The following PLXNA4 variants were observed in gnomAD, a reference collection of about 807,000 sequenced individuals.
PLXNA4 encodes plexin A4.
A neutral mutation model predicts 191.8 loss-of-function variants in PLXNA4; 44 were observed. The ratio of observed to expected loss-of-function variants is 0.23; its 90% CI spans 0.18 to 0.29. The LOEUF is 0.29. Among genes scored for constraint, PLXNA4 ranks in the 10% least tolerant of loss-of-function variants. PLXNA4 has a pLI of 1.00. For synonymous variants in PLXNA4, 1,082 were observed against 1,009.5 expected, an observed-to-expected ratio of 1.07 and a Z score of -1.36; for missense variants, 1,800 against 2,488.8, an observed-to-expected ratio of 0.72 and a Z score of 5.89.
chr7:132,355,189 T>C (rs1386938000), intron 3 of PLXNA4, among the ~76,000 whole-genome samples: 1 of 152,146 alleles, frequency 6.6e-6, no homozygotes, highest in Non-Finnish European at 1.5e-5. Flanking sequence ...CTTTTCAGGA[T>C]GTCAGTGGTG....
intron 2 of PLXNA4, among the ~76,000 whole-genome samples, chr7:132,637,340 T>C (rs1251243784): frequency 6.6e-6 from 1 of 152,216 alleles, no homozygotes; most frequent in Non-Finnish European, 1.5e-5. Context: ...AAGTGTGGTC[T>C]CTGAATCTGC....
At chr7:132,384,855 G>T in intron 3 of PLXNA4, 1 of 1,170,522 alleles carries the variant, frequency 8.5e-7, no homozygotes, top group Non-Finnish European at 1.1e-6. Flanking sequence ...CATATATCAG[G>T]CCCAAGAGAT....
intron 4 of PLXNA4, among the ~76,000 whole-genome samples, chr7:132,241,821 TC>T (rs5887558): frequency 0.37 from 56,312 of 152,052 alleles, 10,811 homozygotes; most frequent in East Asian, 0.57. Context: ...CTATTTCTCC[TC>T]CTACCCACAC....
intron 3 of PLXNA4, among the ~76,000 whole-genome samples, chr7:132,352,924 A>C (rs12539196): frequency 0.15 from 23,002 of 152,162 alleles, 2,005 homozygotes; most frequent in Admixed American, 0.26. Flanking sequence ...GGGAGGGGAA[A>C]TATCTTGGTA....
chr7:132,262,096 C>T (rs1010017855), intron 4 of PLXNA4, among the ~76,000 whole-genome samples: 8 of 152,208 alleles, frequency 5.3e-5, no homozygotes, highest in Non-Finnish European at 8.8e-5. Context: ...TTCCTTTCCC[C>T]GGGTTGCCCC....
At chr7:132,645,272 G>A (rs1803845229) in intron 2 of PLXNA4, among the ~76,000 whole-genome samples, 1 of 152,206 alleles carries the variant, frequency 6.6e-6, no homozygotes, top group African/African-American at 2.4e-5. Context: ...ATCGAGGGAG[G>A]AGCCTGGTGG....
At chr7:132,564,466 C>A (rs1801621277) in intron 1 of PLXNA4, among the ~76,000 whole-genome samples, 1 of 151,960 alleles carries the variant, frequency 6.6e-6, no homozygotes. Flanking sequence ...TGGATGGGTG[C>A]CCGTCTTCCT....
At chr7:132,364,119 A>G (rs1213721115) in intron 3 of PLXNA4, among the ~76,000 whole-genome samples, 8 of 152,216 alleles carry the variant, frequency 5.3e-5, no homozygotes, top group African/African-American at 7.2e-5. Context: ...GATGGCTCAG[A>G]TGCCACCCTC....
chr7:132,447,002 C>G (rs1795935694), intron 3 of PLXNA4, among the ~76,000 whole-genome samples: 1 of 152,144 alleles, frequency 6.6e-6, no homozygotes, highest in African/African-American at 2.4e-5. Flanking sequence ...GCCCAGTGAT[C>G]TGCTGATTTG....
intron 3 of PLXNA4, among the ~76,000 whole-genome samples, chr7:132,351,202 A>G (rs1320734800): frequency 1.3e-5 from 2 of 152,198 alleles, no homozygotes; most frequent in Non-Finnish European, 2.9e-5. Context: ...ATGTTCTAAA[A>G]TTGATTGTGG....
intron 1 of PLXNA4, among the ~76,000 whole-genome samples, chr7:132,548,387 G>T (rs745531887): frequency 1.3e-5 from 2 of 152,156 alleles, no homozygotes; most frequent in Non-Finnish European, 2.9e-5. Context: ...TTTAAAAAAT[G>T]TCCCACCATT....
At chr7:132,600,601 G>C (rs1234034873) in intron 2 of PLXNA4, among the ~76,000 whole-genome samples, 1 of 152,116 alleles carries the variant, frequency 6.6e-6, no homozygotes, top group East Asian at 1.9e-4. Context: ...CTGGGCTCAA[G>C]GGATCCCTGG....
chr7:132,645,129 A>G (rs1393926787), intron 2 of PLXNA4, among the ~76,000 whole-genome samples: 3 of 152,186 alleles, frequency 2.0e-5, no homozygotes, highest in Non-Finnish European at 4.4e-5. Flanking sequence ...TTAAGAACCT[A>G]CAATGTAACC....
chr7:132,238,885 C>G (rs755755), intron 5 of PLXNA4, among the ~76,000 whole-genome samples: 23,034 of 152,162 alleles, frequency 0.15, 1,854 homozygotes, highest in Non-Finnish European at 0.18. Context: ...CCCTACACTA[C>G]ATTTCCCAGT....
intron 13 of PLXNA4, among the ~76,000 whole-genome samples, chr7:132,196,345 T>G (rs1797254239): frequency 6.6e-6 from 1 of 152,232 alleles, no homozygotes; most frequent in African/African-American, 2.4e-5. Flanking sequence ...GTCTTGCTTT[T>G]CTTTTACAAA....
At chr7:132,303,784 G>A (rs972092682) in intron 3 of PLXNA4, among the ~76,000 whole-genome samples, 2 of 152,086 alleles carry the variant, frequency 1.3e-5, no homozygotes, top group South Asian at 2.1e-4. Flanking sequence ...TGCCAGCCCC[G>A]CCTTCCAGGA....
At chr7:132,336,313 G>A (rs965046926) in intron 3 of PLXNA4, among the ~76,000 whole-genome samples, 3 of 152,104 alleles carry the variant, frequency 2.0e-5, no homozygotes, top group African/African-American at 7.2e-5. Flanking sequence ...GTCACATCCC[G>A]AATCAAGGTG....
chr7:132,226,090 A>G, intron 8 of PLXNA4, 71 bp downstream of exon 8: 1 of 1,410,648 alleles, frequency 7.1e-7, no homozygotes, highest in Non-Finnish European at 1.0e-6. Context: ...GGGAATAGTG[A>G]TGGGGTTTTC....
chr7:132,201,088 T>C (rs1797417765), intron 12 of PLXNA4, among the ~76,000 whole-genome samples: 1 of 152,080 alleles, frequency 6.6e-6, no homozygotes, highest in African/African-American at 2.4e-5. Flanking sequence ...TATGATCTAA[T>C]GAAAAAGAAA....
Sources: allele counts gnomAD v4.1 joint callset (sites outside exome capture counted in the v4.1 genomes callset), GRCh38; gene constraint gnomAD v4.1.1; transcripts MANE v1.5; gene names NCBI Gene and HGNC (gene_info 2026-07-23, HGNC 2026-07-21).